The following TIMP2 variants were observed in gnomAD, a reference collection of about 807,000 sequenced individuals.
The protein encoded by TIMP2 is TIMP metallopeptidase inhibitor 2, also known as metalloproteinase inhibitor 2.
Under a neutral mutation model 24.3 loss-of-function variants are expected in TIMP2, and 5 were observed. The ratio of observed to expected loss-of-function variants is 0.21; its 90% CI spans 0.11 to 0.43. The LOEUF (loss-of-function observed/expected upper bound fraction) is 0.43. TIMP2 is among the 20% of genes least tolerant of loss of function. The pLI is 1.00. For missense variants in TIMP2, 221 were observed against 297.5 expected (o/e 0.74, Z 1.89); for synonymous variants, 130 against 123.2 (o/e 1.06, Z -0.37).
intron 1 of TIMP2, chr17:78,890,768 AGGCTGGTGCCC>A (rs2069876617): frequency 1.3e-6 from 2 of 1,550,466 alleles, no homozygotes; most frequent in Non-Finnish European, 1.7e-6. Flanking sequence ...GTCGTCGGCG[AGGCTGGTGCCC>A]GATGGGGAAG....
chr17:78,854,112 T>G lies in TIMP2; in HGVS notation c.*1555A>C, dbSNP rs1358126540. ...AGGAGTCTTAACAGGTGCTTTGGGGTTGCCGCTGAATAGAACAGGCTAAGG... is the reference window on the plus strand; with the variant it reads ...AGGAGTCTTAACAGGTGCTTTGGGGGTGCCGCTGAATAGAACAGGCTAAGG... On this transcript the variant is annotated 3_prime_UTR_variant, in exon 5 of 5. Coordinates refer to ENST00000262768, the MANE Select transcript of TIMP2 (RefSeq NM_003255.5). 1 of 152,126 alleles carries G rather than the reference T, an allele frequency of 6.6e-6. No individual in the cohort carries two copies. The highest frequency in any genetic ancestry group is 2.4e-5 in the African/African-American group (1 of 41,406). 9.4% of individuals were successfully genotyped at this position (152,126 alleles called of 1,614,324 possible). A position where few individuals can be genotyped will look rare whatever the true frequency, so the allele number is the denominator to read the frequency against.
At chr17:78,887,282 T>G (rs1305529487) in intron 1 of TIMP2, among the ~76,000 whole-genome samples, 2 of 152,176 alleles carry the variant, frequency 1.3e-5, no homozygotes, top group Admixed American at 6.5e-5. Flanking sequence ...TTTTACTCAC[T>G]CATCATCTGC....
intron 3 of TIMP2, among the ~76,000 whole-genome samples, chr17:78,858,079 T>C (rs2069539348): frequency 7.0e-6 from 1 of 143,306 alleles, no homozygotes; most frequent in South Asian, 2.2e-4. Context: ...CTCAAAAAAA[T>C]AAAAAGTGGA....
intron 3 of TIMP2, among the ~76,000 whole-genome samples, chr17:78,860,057 T>C (rs1039310231): frequency 2.6e-5 from 4 of 151,992 alleles, no homozygotes; most frequent in African/African-American, 9.7e-5. Flanking sequence ...GTGCCTGTAG[T>C]CCCAGCTACT....
At chr17:78,901,761 T>G in intron 1 of TIMP2, 1 of 717,052 alleles carries the variant, frequency 1.4e-6, no homozygotes. Flanking sequence ...CCTGAAATGC[T>G]TGGGGAAGAG....
At chr17:78,906,060 G>A (rs1484813780) in intron 1 of TIMP2, among the ~76,000 whole-genome samples, 1 of 152,294 alleles carries the variant, frequency 6.6e-6, no homozygotes, top group Non-Finnish European at 1.5e-5. Context: ...TCTTATCAAT[G>A]CACATACCTT....
chr17:78,855,971 G>T lies in TIMP2; in HGVS notation c.466-107C>A. 8.6e-7 allele frequency: 1 copy of T among 1,157,240 alleles called. No homozygotes were observed. The highest frequency in any genetic ancestry group is 1.3e-6 in the Non-Finnish European group (1 of 790,714). The allele number at this position is 1,157,240 out of a possible 1,614,324, so 71.7% of individuals were successfully genotyped here. On this transcript the variant is annotated intron_variant, in intron 4 of 4. Transcript: ENST00000262768. The surrounding 1 kb of genome is among the most constrained non-coding windows in gnomAD (Gnocchi z 6.0). The stretch of plus-strand genomic sequence containing the variant: ...ACCCGGCAATGTGCCTACCTGTCAT[G>T]TGCAGGGATGGCAGCCTCTCCCGAG...
At chr17:78,890,923 A>C in intron 1 of TIMP2, 1 of 1,550,684 alleles carries the variant, frequency 6.4e-7, no homozygotes, top group Non-Finnish European at 8.7e-7. Context: ...CCAAGCTCAT[A>C]TCTGGGTGTT....
chr17:78,878,729 G>C (rs532125836), intron 1 of TIMP2, among the ~76,000 whole-genome samples: 3 of 151,926 alleles, frequency 2.0e-5, no homozygotes, highest in Non-Finnish European at 4.4e-5. Flanking sequence ...GGAAGTGGGG[G>C]TGAGGGGCAG....
At chr17:78,890,969 C>T (rs1252363229) in intron 1 of TIMP2, 6 of 1,551,180 alleles carry the variant, frequency 3.9e-6, no homozygotes, top group Non-Finnish European at 5.2e-6. Flanking sequence ...TTTTTGTCTT[C>T]TCTGCTCCAT....
intron 1 of TIMP2, among the ~76,000 whole-genome samples, chr17:78,914,175 C>G (rs951905880): frequency 1.3e-5 from 2 of 152,110 alleles, no homozygotes; most frequent in Admixed American, 6.6e-5. Flanking sequence ...CCCTTGAGTC[C>G]TCAGAGGCAC....
intron 1 of TIMP2, among the ~76,000 whole-genome samples, chr17:78,893,224 GGTGTGTGTGCATGTGTGTGTAGGA>G (rs1171453997): frequency 2.2e-5 from 3 of 135,228 alleles, no homozygotes; most frequent in South Asian, 2.5e-4. Flanking sequence ...TGTGTGCAGG[GGTGTGTGTGCATGTGTGTGTAGGA>G]GTGTGTGTGC....
At chr17:78,886,732 T>A (rs2069828665) in intron 1 of TIMP2, among the ~76,000 whole-genome samples, 1 of 151,116 alleles carries the variant, frequency 6.6e-6, no homozygotes, top group Non-Finnish European at 1.5e-5. Context: ...TTTCTTCTTC[T>A]TTTTTTTTCC....
chr17:78,861,161 C>A (rs1000385464), intron 3 of TIMP2, among the ~76,000 whole-genome samples: 2 of 152,062 alleles, frequency 1.3e-5, no homozygotes, highest in African/African-American at 4.8e-5. Context: ...ATTCCTGTAT[C>A]CTGGTTGATT....
chr17:78,857,689 GTCC>G, intron 3 of TIMP2, 43 bp from the exon 4 acceptor site: 1 of 1,612,368 alleles, frequency 6.2e-7, no homozygotes, highest in Non-Finnish European at 8.5e-7. Context: ...AGAGGGAAAA[GTCC>G]TCCTCCTGCC....
intron 3 of TIMP2, among the ~76,000 whole-genome samples, chr17:78,865,737 A>G (rs190589021): frequency 2.9e-4 from 44 of 152,226 alleles, no homozygotes; most frequent in African/African-American, 7.7e-4. Context: ...GATTGCAGTG[A>G]CCCGAGATTG....
At chr17:78,858,861 A>G (rs1446063056) in intron 3 of TIMP2, among the ~76,000 whole-genome samples, 4 of 152,120 alleles carry the variant, frequency 2.6e-5, no homozygotes, top group Non-Finnish European at 5.9e-5. Context: ...TTCTAAAAAA[A>G]GGATAGAGAC....
chr17:78,883,245 G>A (rs988272012), intron 1 of TIMP2, among the ~76,000 whole-genome samples: 2 of 152,208 alleles, frequency 1.3e-5, no homozygotes, highest in Non-Finnish European at 2.9e-5. Context: ...AGTTGAGGGT[G>A]TAGACACCGG....
chr17:78,878,847 C>T (rs6501256), intron 1 of TIMP2, among the ~76,000 whole-genome samples: 141,279 of 152,154 alleles, frequency 0.93, 65,680 homozygotes, highest in African/African-American at 0.95. Flanking sequence ...CTTCAGGGTC[C>T]CTTTAAATTG....
Sources: allele counts gnomAD v4.1 joint callset (sites outside exome capture counted in the v4.1 genomes callset), GRCh38; gene constraint gnomAD v4.1.1; non-coding constraint Gnocchi (gnomAD v3.1); transcripts MANE v1.5; gene names NCBI Gene and HGNC (gene_info 2026-07-23, HGNC 2026-07-21).